CD22: variants seen among roughly 807,000 people sequenced by gnomAD.
The protein encoded by CD22 is B-cell receptor CD22.
In CD22, 51 loss-of-function variants were observed where a neutral mutation model predicts 94.7. That is an observed-to-expected ratio of 0.54 (90% CI 0.43 to 0.68). CD22 has a LOEUF of 0.68. CD22 is among the 30% of genes least tolerant of loss of function. CD22 has a pLI of 0.00. For synonymous variants in CD22, 424 were observed against 422.5 expected, an observed-to-expected ratio of 1.00 and a Z score of -0.04; for missense variants, 931 against 1,060.4, an observed-to-expected ratio of 0.88 and a Z score of 1.69.
chr19:35,339,903 CAG>C (rs2066782196), intron 6 of CD22, among the ~76,000 whole-genome samples: 1 of 152,152 alleles, frequency 6.6e-6, no homozygotes, highest in African/African-American at 2.4e-5. Flanking sequence ...ATGAGGGACA[CAG>C]AGACTTAGCG....
intron 6 of CD22, among the ~76,000 whole-genome samples, chr19:35,340,529 C>G (rs2066791835): frequency 6.6e-6 from 1 of 152,176 alleles, no homozygotes. Context: ...ATCTGCCCAC[C>G]TCAGCCTCCC....
intron 4 of CD22, 36 bp downstream of exon 4, chr19:35,336,377 G>T: frequency 6.3e-7 from 1 of 1,597,930 alleles, no homozygotes; most frequent in Non-Finnish European, 8.5e-7. Flanking sequence ...GAAGGGCAAG[G>T]TCTGTGTCAC....
intron 1 of CD22, among the ~76,000 whole-genome samples, chr19:35,330,118 A>G (rs982135811): frequency 6.6e-6 from 1 of 152,180 alleles, no homozygotes; most frequent in Admixed American, 6.5e-5. Context: ...TGAGGTCAGG[A>G]GTTTGAAACC....
chr19:35,330,197 G>A (rs147479957), intron 1 of CD22, among the ~76,000 whole-genome samples: 174 of 152,264 alleles, frequency 1.1e-3, no homozygotes, highest in African/African-American at 3.7e-3. Context: ...TCAGACGGGT[G>A]TGGTGGCACA....
chr19:35,346,083 G>C, intron 12 of CD22, 68 bp from the exon 13 acceptor site: 1 of 1,205,424 alleles, frequency 8.3e-7, no homozygotes, highest in Non-Finnish European at 1.2e-6. Context: ...GGGGCTCTGG[G>C]TGTTGAGAGG....
chr19:35,338,016 T>G lies in CD22; in HGVS notation c.980T>G (p.Val327Gly), dbSNP rs1326962195. 6.2e-7 allele frequency: 1 copy of G among 1,608,884 alleles called. No homozygotes were observed. The highest frequency in any genetic ancestry group is 8.5e-7 in the Non-Finnish European group (1 of 1,176,756). Reference sequence around the variant, plus strand: ...AGGTCGGAAGAAGTGTTCCTGCAAGTGCAGTGTGAGCCCCTCGGAGCTGGG... The same window carrying G: ...AGGTCGGAAGAAGTGTTCCTGCAAGGGCAGTGTGAGCCCCTCGGAGCTGGG... ...PGRSEEVFLQ[V>G]QYAPEPSTVQ... is the part of the protein sequence containing the mutation. The change falls in exon 5 of 14, where the codon GTG becomes GGG. Residue 327 changes from valine to glycine, a missense_variant. Transcript: ENST00000085219.
intron 12 of CD22, 53 bp from the exon 13 acceptor site, chr19:35,346,098 A>G (rs1263710428): frequency 1.5e-6 from 2 of 1,366,384 alleles, no homozygotes; most frequent in African/African-American, 2.8e-5. Flanking sequence ...GAGAGGGAGG[A>G]GAGTTCGTGG....
chr19:35,338,020 G>A lies in CD22; in HGVS notation c.984G>A (p.Gln328=). 4 of 1,606,670 alleles carry A rather than the reference G, an allele frequency of 2.5e-6. No homozygotes were observed. The highest frequency in any genetic ancestry group is 3.4e-6 in the Non-Finnish European group (4 of 1,175,064). The change falls in exon 5 of 14, where the codon CAG becomes CAA. Residue 328 remains glutamine, a splice_region_variant and synonymous_variant. Coordinates refer to ENST00000085219, the MANE Select transcript of CD22 (RefSeq NM_001771.4). ...CGGAAGAAGTGTTCCTGCAAGTGCA[G>A]TGTGAGCCCCTCGGAGCTGGGGACA... is the stretch of plus-strand genomic sequence containing the variant. ...GRSEEVFLQV[Q]YAPEPSTVQI...
chr19:35,343,813 A>T (rs2066856055), intron 9 of CD22, among the ~76,000 whole-genome samples: 1 of 152,262 alleles, frequency 6.6e-6, no homozygotes, highest in Non-Finnish European at 1.5e-5. Context: ...CATATGGAAG[A>T]TACCTAATTA....
chr19:35,332,129 G>A, intron 2 of CD22, 55 bp downstream of exon 2: 1 of 1,607,642 alleles, frequency 6.2e-7, no homozygotes. Flanking sequence ...GTGGGCACTG[G>A]AGGAGGAGGA....
Position 35,338,387 on chromosome 19 carries a change from T to C in CD22, c.1205T>C (p.Leu402Pro). 1 of 1,614,024 alleles carries C rather than the reference T, an allele frequency of 6.2e-7. No individual in the cohort carries two copies. Residue 402 changes from leucine (L) to proline (P), a missense_variant, in exon 6 of 14, where the codon CTT (leucine) becomes CCT (proline). Transcript: ENST00000085219. Reference sequence around the variant, plus strand: ...TATTCCTGTGTGGCAGAAAACATTCTTGGTACTGGACAGAGGGGCCCGGGA... The same window carrying C: ...TATTCCTGTGTGGCAGAAAACATTCCTGGTACTGGACAGAGGGGCCCGGGA... ...GTYSCVAENILGTGQRGPGAE... is the reference protein window; with the variant it reads ...GTYSCVAENIPGTGQRGPGAE...
chr19:35,345,861 C>A, intron 12 of CD22, 141 bp downstream of exon 12: 2 of 699,818 alleles, frequency 2.9e-6, no homozygotes, highest in Non-Finnish European at 2.5e-6. Flanking sequence ...CGGCAACAAG[C>A]CTCTGGGTAA....
Position 35,331,864 on chromosome 19 carries a change from T to C in CD22, c.-22-155T>C, listed in dbSNP as rs544179283. Reference sequence around the variant, plus strand: ...TCTGTCTCAAAAAAAAAGAAAGAACTCCGTGAGCATCCCAAATGCCACATC... The same window carrying C: ...TCTGTCTCAAAAAAAAAGAAAGAACCCCGTGAGCATCCCAAATGCCACATC... On this transcript the variant is annotated intron_variant, in intron 1 of 13. Coordinates refer to ENST00000085219, the MANE Select transcript of CD22 (RefSeq NM_001771.4). The C allele has an allele frequency of 6.1e-6, 9 of 1,466,924 alleles. 1 individual carries two copies. In the African/African-American group the frequency reaches 1.1e-4, roughly 18 times the overall value. The allele number at this position is 1,466,924 out of a possible 1,614,324, so 90.9% of individuals were successfully genotyped here. A position where few individuals can be genotyped will look rare whatever the true frequency, so the allele number is the denominator to read the frequency against.
At position 35,346,733 on chromosome 19, in the gene CD22, C is replaced by CG. The variant is rs751235261; in HGVS notation, c.*41dup. Reference sequence around the variant, plus strand: ...GCTGCAGCAGAGGCACTGGGGGCAGCGGGGGCCAGGGAAGTCCCCGAGTTT... The same window carrying CG: ...GCTGCAGCAGAGGCACTGGGGGCAGCGGGGGGCCAGGGAAGTCCCCGAGTTT... On this transcript the variant is annotated 3_prime_UTR_variant, in exon 14 of 14. Coordinates refer to ENST00000085219, the MANE Select transcript of CD22 (RefSeq NM_001771.4). 6.4e-7 allele frequency: 1 copy of CG among 1,566,416 alleles called. No homozygotes were observed. The highest frequency in any genetic ancestry group is 1.8e-5 in the Admixed American group (1 of 54,322).
chr19:35,345,616 C>G lies in CD22; in HGVS notation c.2223C>G (p.Pro741=). The change falls in exon 12 of 14, where the codon CCC becomes CCG. Residue 741 remains proline (P), a synonymous_variant. Coordinates refer to ENST00000085219, the MANE Select transcript of CD22 (RefSeq NM_001771.4). ...FVRNKKVRRA[P]LSEGPHSLGC... is the part of the protein sequence containing the mutation. ...CTCCCTCCCAGGTTAGAAGGGCCCC[C>G]CTCTCTGAAGGCCCCCACTCCCTGG... 6.2e-7 allele frequency: 1 copy of G among 1,609,124 alleles called. No homozygotes were observed. The highest frequency in any genetic ancestry group is 1.1e-5 in the South Asian group (1 of 90,998).
Position 35,338,343 on chromosome 19 carries a change from C to G in CD22, c.1161C>G (p.Leu387=). 6.2e-7 allele frequency: 1 copy of G among 1,614,208 alleles called. No individual in the cohort carries two copies. Among genetic ancestry groups the G allele is most frequent in the Non-Finnish European group, 8.5e-7 (1 of 1,180,024 alleles). Residue 387 remains leucine, a synonymous_variant, in exon 6 of 14, where the codon CTC becomes CTG. Transcript: ENST00000085219. ...AGAAAGTCCACATCCCAAAGATCCT[C>G]CCCTGGCACGCTGGGACTTATTCCT... is the stretch of plus-strand genomic sequence containing the variant. ...TEEKVHIPKI[L]PWHAGTYSCV... is the part of the protein sequence containing the mutation.
At chr19:35,334,533 C>T (rs2066691104) in intron 3 of CD22, among the ~76,000 whole-genome samples, 1 of 152,206 alleles carries the variant, frequency 6.6e-6, no homozygotes, top group Admixed American at 6.5e-5. Flanking sequence ...GTGGTCACTC[C>T]GTTCCACACC....
Position 35,345,083 on chromosome 19 carries a change from A to G in CD22, c.2165A>G (p.Gln722Arg), listed in dbSNP as rs764050760. ...AGGACACAGAGCCAGCAGGGGCTTCAGGAGAATTCCAGCGGCCAGAGCTTC... is the reference window on the plus strand; with the variant it reads ...AGGACACAGAGCCAGCAGGGGCTTCGGGAGAATTCCAGCGGCCAGAGCTTC... ...WKRTQSQQGL[Q>R]ENSSGQSFFV... Residue 722 changes from glutamine (Q) to arginine (R), a missense_variant, in exon 11 of 14, where the codon CAG becomes CGG. Gln to Arg is a conservative substitution (Grantham distance 43, BLOSUM62 1). Coordinates refer to ENST00000085219, the MANE Select transcript of CD22 (RefSeq NM_001771.4). The G allele has an allele frequency of 2.5e-6, 4 of 1,614,054 alleles. No individual in the cohort carries two copies. The South Asian group carries it at 4.4e-5, about 18-fold the overall frequency.
chr19:35,336,335 G>A lies in CD22; in HGVS notation c.712G>A (p.Val238Met), dbSNP rs2066723769. Residue 238 changes from valine to methionine, a missense_variant, in exon 4 of 14, where the codon GTG (valine) becomes ATG (methionine). Physicochemically the swap from Val to Met is conservative, Grantham distance 21. Transcript: ENST00000085219. ...CTCCAATGACACGGTGCAGCTGAAC[G>A]TGAAGCGTGAGTCTCCCCGGCATGC... ...FLSNDTVQLN[V>M]KHTPKLEIKV... 2 of 1,613,660 alleles carry A rather than the reference G, an allele frequency of 1.2e-6. No homozygotes were observed. The highest frequency in any genetic ancestry group is 2.2e-5 in the East Asian group (1 of 44,886).
Sources: allele counts gnomAD v4.1 joint callset (sites outside exome capture counted in the v4.1 genomes callset), GRCh38; gene constraint gnomAD v4.1.1; transcripts MANE v1.5; gene names NCBI Gene and HGNC (gene_info 2026-07-23, HGNC 2026-07-21).